The following FBRSL1 variants were observed in gnomAD, a reference collection of about 807,000 sequenced individuals.
The protein encoded by FBRSL1 is fibrosin-1-like protein.
In FBRSL1, 51 loss-of-function variants were observed where a neutral mutation model predicts 89.6. That is an observed-to-expected ratio of 0.57 (90% confidence interval 0.45 to 0.72). The LOEUF is 0.72. FBRSL1 is among the 30% of genes least tolerant of loss of function. FBRSL1 has a pLI of 0.00. For missense variants in FBRSL1, 1,618 were observed against 1,451.8 expected, an observed-to-expected ratio of 1.11 and a Z score of -1.86; for synonymous variants, 779 against 681.1, an observed-to-expected ratio of 1.14 and a Z score of -2.24.
At chr12:132,501,322 C>A (rs1186579543) in intron 1 of FBRSL1, among the ~76,000 whole-genome samples, 5 of 152,348 alleles carry the variant, frequency 3.3e-5, no homozygotes, top group African/African-American at 9.6e-5. Context: ...GTCCTCGCGC[C>A]CCAGGCCTGT....
chr12:132,559,674 C>G lies in FBRSL1; in HGVS notation c.646-7807C>G, dbSNP rs369087889. 7.2e-5 allele frequency among the ~76,000 whole-genome samples: 11 copies of G among 152,342 alleles called. 1 individual carries two copies. The highest frequency in any genetic ancestry group is 4.1e-4 in the South Asian group (2 of 4,828). ...ACCTCGGCCTCCCAAAGTGCTGTTT[C>G]AGGCGCCGGCCACCGCGCCCGGCTG... On this transcript the variant is annotated intron_variant, in intron 5 of 18. Transcript: ENST00000680143.
chr12:132,495,594 C>T (rs1280124117), intron 1 of FBRSL1, among the ~76,000 whole-genome samples: 2 of 152,216 alleles, frequency 1.3e-5, no homozygotes, highest in African/African-American at 2.4e-5. Context: ...AGGGGAAGTG[C>T]TTTACCCACA....
At chr12:132,576,686 G>C in intron 14 of FBRSL1, 113 bp from the exon 15 acceptor site, 2 of 1,223,740 alleles carry the variant, frequency 1.6e-6, no homozygotes, top group South Asian at 3.3e-5. Flanking sequence ...CATCCCACCT[G>C]CTCCCCTTAC....
At chr12:132,511,642 T>C (rs970660079) in intron 2 of FBRSL1, 21 of 985,462 alleles carry the variant, frequency 2.1e-5, no homozygotes, top group Non-Finnish European at 2.5e-5. Context: ...GCTCTGGTCC[T>C]GCAGGCCTGG....
chr12:132,583,025 T>G lies in FBRSL1; in HGVS notation c.2256T>G (p.Ala752=). ...LLSRASPATP[A]GHPVSGLLLR... is the part of the protein sequence containing the mutation. ...GCCGGGCCTCGCCCGCCACCCCCGC[T>G]GGCCACCCCGTCAGCGGCCTCCTGC... Residue 752 remains alanine, a synonymous_variant, in exon 19 of 19, where the codon GCT becomes GCG. Coordinates refer to ENST00000680143, the MANE Select transcript of FBRSL1 (RefSeq NM_001367871.1). 3 of 1,456,264 alleles carry G rather than the reference T, an allele frequency of 2.1e-6. No individual in the cohort carries two copies. Among genetic ancestry groups the G allele is most frequent in the Non-Finnish European group, 2.7e-6 (3 of 1,112,096 alleles). 90.2% of individuals were successfully genotyped at this position (1,456,264 alleles called of 1,614,324 possible).
At chr12:132,542,341 T>C (rs2137222867) in intron 4 of FBRSL1, among the ~76,000 whole-genome samples, 1 of 152,318 alleles carries the variant, frequency 6.6e-6, no homozygotes, top group African/African-American at 2.4e-5. Context: ...TCCCAGCAGC[T>C]CGGCCTCTCA....
At position 132,526,515 on chromosome 12, in the gene FBRSL1, G is replaced by A. The variant is rs149364046; in HGVS notation, c.579+692G>A. On this transcript the variant is annotated intron_variant, in intron 3 of 18. Transcript: ENST00000680143. Reference sequence around the variant, plus strand: ...ACCCCTCTGGCAGCTGGGAGCTGGCGGGTGGGCCCATCGGGACCCAGGGCC... The same window carrying A: ...ACCCCTCTGGCAGCTGGGAGCTGGCAGGTGGGCCCATCGGGACCCAGGGCC... 4.6e-3 allele frequency among the ~76,000 whole-genome samples: 698 copies of A among 152,306 alleles called. 6 individuals are homozygous for A. Among genetic ancestry groups the A allele is most frequent in the African/African-American group, 0.016 (669 of 41,566 alleles).
intron 2 of FBRSL1, chr12:132,510,224 C>T (rs1337028279): frequency 2.5e-5 from 31 of 1,231,850 alleles, no homozygotes; most frequent in Admixed American, 8.4e-5. Flanking sequence ...TCCCCATTCC[C>T]GATCGCCCTT....
At chr12:132,568,634 G>A (rs1170594413) in intron 6 of FBRSL1, among the ~76,000 whole-genome samples, 2 of 152,258 alleles carry the variant, frequency 1.3e-5, no homozygotes, top group African/African-American at 4.8e-5. Context: ...AGGTCTGTGC[G>A]GCCCAAGCCT....
At chr12:132,542,432 G>A (rs958859401) in intron 4 of FBRSL1, among the ~76,000 whole-genome samples, 5 of 152,232 alleles carry the variant, frequency 3.3e-5, no homozygotes, top group South Asian at 2.1e-4. Flanking sequence ...TGGTGCAGGC[G>A]CCCGTGTTGT....
At chr12:132,503,508 C>T (rs1049290277) in intron 1 of FBRSL1, among the ~76,000 whole-genome samples, 13 of 152,224 alleles carry the variant, frequency 8.5e-5, no homozygotes, top group African/African-American at 2.7e-4. Context: ...GAGTGTGAGC[C>T]ATGGGGGAGA....
chr12:132,552,073 C>T (rs970196833), intron 5 of FBRSL1: 17 of 199,630 alleles, frequency 8.5e-5, no homozygotes, highest in Admixed American at 5.8e-4. Flanking sequence ...GGGCCGACCC[C>T]GCAGGCAGCC....
chr12:132,570,619 G>C (rs1008474472), intron 8 of FBRSL1, 79 bp downstream of exon 8: 76 of 1,252,342 alleles, frequency 6.1e-5, no homozygotes, highest in Middle Eastern at 2.8e-4. Flanking sequence ...GGGGCGCACA[G>C]CCTGGCCCTC....
chr12:132,519,988 C>T (rs1317655413), intron 2 of FBRSL1, among the ~76,000 whole-genome samples: 2 of 151,800 alleles, frequency 1.3e-5, no homozygotes, highest in Non-Finnish European at 2.9e-5. Context: ...GCTGTGCAGG[C>T]AGCGTGTATG....
intron 6 of FBRSL1, 150 bp downstream of exon 6, chr12:132,567,676 G>T: frequency 1.3e-6 from 1 of 798,640 alleles, no homozygotes. Context: ...TGCTGGGATT[G>T]CTGGGAAGCC....
At chr12:132,580,807 CTG>C (rs1426699359) in intron 15 of FBRSL1, 1 of 985,368 alleles carries the variant, frequency 1.0e-6, no homozygotes, top group African/African-American at 1.7e-5. Flanking sequence ...AACCTGCTCT[CTG>C]GACCCATGTG....
At chr12:132,581,338 G>A in intron 15 of FBRSL1, 101 bp from the exon 16 acceptor site, 1 of 1,544,362 alleles carries the variant, frequency 6.5e-7, no homozygotes, top group Non-Finnish European at 8.7e-7. Context: ...GGGAGGTGAA[G>A]GTTCACAGAG....
intron 5 of FBRSL1, chr12:132,552,026 G>A (rs2038215113): frequency 3.9e-6 from 1 of 254,284 alleles, no homozygotes; most frequent in Non-Finnish European, 7.9e-6. Context: ...GAAGGGGCAG[G>A]GCTGGGGGAC....
At chr12:132,517,780 G>C (rs1289424039) in intron 2 of FBRSL1, among the ~76,000 whole-genome samples, 2 of 152,164 alleles carry the variant, frequency 1.3e-5, no homozygotes, top group African/African-American at 4.8e-5. Flanking sequence ...TTTTAAGCCA[G>C]GGAACAACGT....
Sources: allele counts gnomAD v4.1 joint callset (sites outside exome capture counted in the v4.1 genomes callset), GRCh38; gene constraint gnomAD v4.1.1; transcripts MANE v1.5; gene names NCBI Gene and HGNC (gene_info 2026-07-23, HGNC 2026-07-21).